ETFA: variants seen among roughly 807,000 people sequenced by gnomAD.
The protein encoded by ETFA is electron transfer flavoprotein subunit alpha.
ETFA carries 22 observed loss-of-function variants against 46.2 expected under a neutral mutation model. The observed-to-expected ratio is 0.48, with a 90% CI of 0.34 to 0.68. ETFA has a LOEUF of 0.68. Ranked by LOEUF, ETFA falls within the 30% of genes least tolerant of loss-of-function variation. The pLI is 0.01. For missense variants in ETFA, 345 were observed against 401.1 expected, an observed-to-expected ratio of 0.86 and a Z score of 1.19; for synonymous variants, 131 against 139.9, an observed-to-expected ratio of 0.94 and a Z score of 0.45.
intron 9 of ETFA, chr15:76,259,216 C>G: frequency 6.5e-7 from 1 of 1,545,844 alleles, no homozygotes; most frequent in Non-Finnish European, 8.9e-7. Context: ...CTGCCTCCCA[C>G]AGTGGGCTCC....
intron 6 of ETFA, among the ~76,000 whole-genome samples, chr15:76,286,043 C>A (rs117401465): frequency 0.012 from 1,845 of 152,284 alleles, 112 homozygotes; most frequent in Admixed American, 0.1. Flanking sequence ...ACACCCTCCA[C>A]ACGTTTCCTA....
intron 9 of ETFA, among the ~76,000 whole-genome samples, chr15:76,258,171 A>G (rs1341127571): frequency 1.2e-5 from 1 of 80,470 alleles, no homozygotes; most frequent in Non-Finnish European, 2.3e-5. Flanking sequence ...AAAGTATAAT[A>G]ATAAATAAAT....
chr15:76,292,793 A>T, intron 2 of ETFA, 93 bp from the exon 3 acceptor site: 1 of 888,728 alleles, frequency 1.1e-6, no homozygotes. Flanking sequence ...TAAAATCTTA[A>T]TGGCCAACTG....
chr15:76,288,920 C>CTTTTTTTTTTTTTTTTT (rs35295593), intron 4 of ETFA, among the ~76,000 whole-genome samples: 4 of 110,114 alleles, frequency 3.6e-5, no homozygotes, highest in African/African-American at 1.3e-4. Flanking sequence ...TCTTCTTCTT[C>CTTTTTTTTTTTTTTTTT]TTTTTTTTTT....
At chr15:76,263,211 C>T (rs531819589) in intron 9 of ETFA, among the ~76,000 whole-genome samples, 2 of 152,348 alleles carry the variant, frequency 1.3e-5, no homozygotes, top group East Asian at 3.9e-4. Context: ...CCTTTGCAAC[C>T]TCCATACTAG....
chr15:76,232,846 A>G (rs1249775243), intron 9 of ETFA, among the ~76,000 whole-genome samples: 1 of 152,218 alleles, frequency 6.6e-6, no homozygotes, highest in Non-Finnish European at 1.5e-5. Flanking sequence ...AACCACTACA[A>G]TAAGTGATCC....
In ETFA at chr15:76,229,387, A is replaced by G. The variant is rs555968808; in HGVS notation, c.882+1946T>C. ...GATACAAAGTCTTGGCTGACCCCCAACACCAGTCTCCTTACTTCAACTGTT... is the reference window on the plus strand; with the variant it reads ...GATACAAAGTCTTGGCTGACCCCCAGCACCAGTCTCCTTACTTCAACTGTT... On this transcript the variant is annotated intron_variant, in intron 10 of 11. Transcript: ENST00000557943. Among the ~76,000 whole-genome samples the G allele has an allele frequency of 5.3e-5, 8 of 152,310 alleles. No individual in the cohort carries two copies. The East Asian group carries it at 1.5e-3, about 29-fold the overall frequency.
chr15:76,230,053 C>G (rs1183136331), intron 10 of ETFA: 2 of 151,358 alleles, frequency 1.3e-5, no homozygotes, highest in African/African-American at 4.8e-5. Context: ...GAGGCTGAGG[C>G]AGGAGAATGG....
At position 76,216,101 on chromosome 15, in the gene ETFA, G is replaced by A. The variant is rs1402119107; in HGVS notation, c.*458C>T. 1 of 161,966 alleles carries A rather than the reference G, an allele frequency of 6.2e-6. No homozygotes were observed. Among genetic ancestry groups the A allele is most frequent in the Non-Finnish European group, 1.3e-5 (1 of 75,094 alleles). 10.0% of individuals were successfully genotyped at this position (161,966 alleles called of 1,614,324 possible). A position where few individuals can be genotyped will look rare whatever the true frequency, so the allele number is the denominator to read the frequency against. Reference sequence around the variant, plus strand: ...TTTTAACTCTGCACTTGCCAATTCAGTTACCTTCTCCTATGAAGTTTGCCC... The same window carrying A: ...TTTTAACTCTGCACTTGCCAATTCAATTACCTTCTCCTATGAAGTTTGCCC... On this transcript the variant is annotated 3_prime_UTR_variant, in exon 12 of 12. Transcript: ENST00000557943.
chr15:76,266,536 CG>C (rs1318756972), intron 9 of ETFA, among the ~76,000 whole-genome samples: 3 of 152,098 alleles, frequency 2.0e-5, no homozygotes, highest in Non-Finnish European at 2.9e-5. Context: ...TTATAGCCCC[CG>C]ATAAAATCCA....
At chr15:76,260,474 GACC>G (rs2039398076) in intron 9 of ETFA, 1 of 1,559,022 alleles carries the variant, frequency 6.4e-7, no homozygotes, top group East Asian at 2.3e-5. Context: ...CATGAGAAGA[GACC>G]ACCAGTGGCT....
intron 8 of ETFA, among the ~76,000 whole-genome samples, chr15:76,283,001 T>C (rs1234968322): frequency 2.0e-5 from 3 of 152,148 alleles, no homozygotes; most frequent in Non-Finnish European, 4.4e-5. Flanking sequence ...TTCTCATCAA[T>C]GTACTTTTAG....
At chr15:76,275,620 ATTAAT>A (rs1241449451) in intron 8 of ETFA, among the ~76,000 whole-genome samples, 2 of 152,196 alleles carry the variant, frequency 1.3e-5, no homozygotes, top group Non-Finnish European at 2.9e-5. Context: ...ACACAGTTGG[ATTAAT>A]ATCTACCATA....
At chr15:76,270,421 A>G (rs1404568328) in intron 9 of ETFA, among the ~76,000 whole-genome samples, 2 of 152,230 alleles carry the variant, frequency 1.3e-5, no homozygotes. Context: ...TACAACTGAT[A>G]CAGAAATATA....
At chr15:76,247,861 G>T (rs1197476692) in intron 9 of ETFA, among the ~76,000 whole-genome samples, 1 of 152,146 alleles carries the variant, frequency 6.6e-6, no homozygotes, top group African/African-American at 2.4e-5. Context: ...AGTGTTTTAA[G>T]ATTTTGTAAT....
chr15:76,275,128 T>C (rs1324103058), intron 8 of ETFA, among the ~76,000 whole-genome samples: 1 of 152,112 alleles, frequency 6.6e-6, no homozygotes, highest in Non-Finnish European at 1.5e-5. Context: ...TGCCCTTCAT[T>C]ATGTCTGTCC....
chr15:76,268,189 C>CAAAAAAAAAAAAAAA lies in ETFA; in HGVS notation c.816+6208_816+6222dup, dbSNP rs57096514. On this transcript the variant is annotated intron_variant, in intron 9 of 11. Coordinates refer to ENST00000557943, the MANE Select transcript of ETFA (RefSeq NM_000126.4). The stretch of plus-strand genomic sequence containing the variant: ...GCAATGGCATGCCTCCCAGCTACAG[C>CAAAAAAAAAAAAAAA]AAAAAAAAAAAAAAAAAGCCTTTGC... 2.8e-5 allele frequency among the ~76,000 whole-genome samples: 3 copies of CAAAAAAAAAAAAAAA among 107,080 alleles called. 1 individual carries two copies. Among genetic ancestry groups the CAAAAAAAAAAAAAAA allele is most frequent in the Non-Finnish European group, 2.0e-5 (1 of 50,268 alleles). 70.2% of individuals were successfully genotyped at this position (107,080 alleles called of 152,430 possible).
intron 1 of ETFA, among the ~76,000 whole-genome samples, chr15:76,296,350 G>C (rs926297225): frequency 6.6e-6 from 1 of 152,092 alleles, no homozygotes; most frequent in Non-Finnish European, 1.5e-5. Flanking sequence ...ATCTACATCT[G>C]ATAAGAAACT....
At chr15:76,299,885 C>T (rs150121745) in intron 1 of ETFA, among the ~76,000 whole-genome samples, 1 of 152,274 alleles carries the variant, frequency 6.6e-6, no homozygotes, top group Non-Finnish European at 1.5e-5. Flanking sequence ...TCTCCCTTTA[C>T]CCTGGTTCCT....
Sources: gnomAD v4.1 joint callset for allele counts (sites outside exome capture counted in the v4.1 genomes callset) on GRCh38, gnomAD v4.1.1 for gene constraint, MANE v1.5 for transcripts, NCBI Gene and HGNC (gene_info 2026-07-23, HGNC 2026-07-21) for gene names.